CNTN5: variants seen among roughly 807,000 people sequenced by gnomAD.
CNTN5 encodes contactin 5.
A neutral mutation model predicts 129.1 loss-of-function variants in CNTN5; 77 were observed. The ratio of observed to expected loss-of-function variants is 0.60; its 90% CI spans 0.50 to 0.72. CNTN5 has a LOEUF of 0.72. Among genes scored for constraint, CNTN5 ranks in the 30% least tolerant of loss-of-function variants. CNTN5 has a pLI of 0.00. For missense variants in CNTN5, 1,478 were observed against 1,328.8 expected (o/e 1.11, Z -1.75); for synonymous variants, 509 against 465.6 (o/e 1.09, Z -1.20).
intron 2 of CNTN5, among the ~76,000 whole-genome samples, chr11:99,528,433 G>A (rs1947570417): frequency 6.6e-6 from 1 of 152,164 alleles, no homozygotes; most frequent in Non-Finnish European, 1.5e-5. Flanking sequence ...CAGTTAGTGT[G>A]AGCACCAAGC....
chr11:99,944,459 A>T lies in CNTN5; in HGVS notation c.674-12347A>T, dbSNP rs116414839. Among the ~76,000 whole-genome samples the T allele has an allele frequency of 4.9e-3, 745 of 152,194 alleles. 5 individuals are homozygous for T. Among genetic ancestry groups the T allele is most frequent in the African/African-American group, 0.017 (704 of 41,550 alleles). ...TCTCCTTGAAAACCAGCACAGGACA[A>T]AGATGCCCTCTTTCACCACTTCTAT... On this transcript the variant is annotated intron_variant, in intron 7 of 24. Transcript: ENST00000524871.
Position 100,162,379 on chromosome 11 carries a change from TAGC to T in CNTN5, c.1581-28746_1581-28744del, listed in dbSNP as rs1947485797. On this transcript the variant is annotated intron_variant, in intron 13 of 24. Transcript: ENST00000524871. ...ACAGAACTAACTAGCAATGTTTTGT[TAGC>T]CTAATACTAGTTATTGTATTTGAGA... Among the ~76,000 whole-genome samples, 5 of 151,944 alleles carry T rather than the reference TAGC, an allele frequency of 3.3e-5. No homozygotes were observed. The East Asian group carries it at 9.7e-4, about 30-fold the overall frequency.
intron 13 of CNTN5, among the ~76,000 whole-genome samples, chr11:100,088,838 A>G (rs1392585150): frequency 6.6e-6 from 1 of 152,136 alleles, no homozygotes; most frequent in Non-Finnish European, 1.5e-5. Flanking sequence ...TTCTACTGAA[A>G]TGATTCCAAA....
chr11:100,118,843 G>A (rs1213378722), intron 13 of CNTN5, among the ~76,000 whole-genome samples: 2 of 151,642 alleles, frequency 1.3e-5, no homozygotes, highest in East Asian at 1.9e-4. Flanking sequence ...TTGTAAAATG[G>A]GAAAGGGAAT....
chr11:99,776,898 C>A (rs1187724470), intron 3 of CNTN5, among the ~76,000 whole-genome samples: 1 of 151,878 alleles, frequency 6.6e-6, no homozygotes, highest in Non-Finnish European at 1.5e-5. Flanking sequence ...AAGTTCAGGA[C>A]CAGCCCCAGC....
chr11:99,566,020 T>A (rs554680470), intron 3 of CNTN5, among the ~76,000 whole-genome samples: 1 of 152,294 alleles, frequency 6.6e-6, no homozygotes, highest in African/African-American at 2.4e-5. Flanking sequence ...TGTTTTGGCT[T>A]GCTAGCATGC....
chr11:99,376,823 A>G (rs1940213266), intron 2 of CNTN5, among the ~76,000 whole-genome samples: 1 of 152,222 alleles, frequency 6.6e-6, no homozygotes, highest in East Asian at 1.9e-4. Context: ...AAATCAGAAC[A>G]GAGGCTTCCA....
chr11:99,574,384 T>A (rs1335684154), intron 3 of CNTN5, among the ~76,000 whole-genome samples: 1 of 152,216 alleles, frequency 6.6e-6, no homozygotes, highest in Non-Finnish European at 1.5e-5. Context: ...GCATGCATCT[T>A]TATAACAGAA....
intron 2 of CNTN5, among the ~76,000 whole-genome samples, chr11:99,546,826 C>T (rs369048892): frequency 6.6e-6 from 1 of 152,020 alleles, no homozygotes; most frequent in South Asian, 2.1e-4. Context: ...GCAGCTTGGA[C>T]ACGCAAAGCC....
chr11:99,224,926 C>T (rs769632165), intron 1 of CNTN5, among the ~76,000 whole-genome samples: 1 of 152,088 alleles, frequency 6.6e-6, no homozygotes, highest in Non-Finnish European at 1.5e-5. Context: ...ACAGGAATGA[C>T]TTTAAGACCC....
At chr11:99,464,140 T>C (rs1441320627) in intron 2 of CNTN5, among the ~76,000 whole-genome samples, 1 of 152,210 alleles carries the variant, frequency 6.6e-6, no homozygotes, top group African/African-American at 2.4e-5. Context: ...TTATCCAGCA[T>C]AAGTGTGCTA....
intron 13 of CNTN5, among the ~76,000 whole-genome samples, chr11:100,153,706 A>G (rs74688289): frequency 6.6e-5 from 10 of 152,132 alleles, no homozygotes; most frequent in African/African-American, 2.4e-4. Context: ...CCAAAACATT[A>G]TATCTGGTAT....
chr11:99,236,430 C>T (rs1436267258), intron 1 of CNTN5, among the ~76,000 whole-genome samples: 2 of 150,974 alleles, frequency 1.3e-5, no homozygotes, highest in African/African-American at 2.4e-5. Flanking sequence ...TAATAATATT[C>T]ACAAATCTTA....
intron 13 of CNTN5, among the ~76,000 whole-genome samples, chr11:100,172,396 T>C (rs1008810948): frequency 5.3e-5 from 8 of 152,204 alleles, no homozygotes; most frequent in African/African-American, 1.9e-4. Context: ...ATGATACTCA[T>C]TTCCTTCCTC....
At chr11:100,133,594 C>G (rs1373075860) in intron 13 of CNTN5, among the ~76,000 whole-genome samples, 2 of 151,998 alleles carry the variant, frequency 1.3e-5, no homozygotes, top group Non-Finnish European at 2.9e-5. Context: ...ATATTTTAAC[C>G]CTGATGCAAT....
At chr11:100,026,304 C>T (rs1941416691) in intron 9 of CNTN5, among the ~76,000 whole-genome samples, 1 of 152,082 alleles carries the variant, frequency 6.6e-6, no homozygotes, top group Non-Finnish European at 1.5e-5. Flanking sequence ...TAGTAAGTTT[C>T]CTGAAACCTC....
chr11:99,305,131 A>G (rs1864817081), intron 1 of CNTN5, among the ~76,000 whole-genome samples: 1 of 152,216 alleles, frequency 6.6e-6, no homozygotes, highest in East Asian at 1.9e-4. Flanking sequence ...ACATCACTCT[A>G]GGAGCAAGCA....
chr11:99,922,291 G>T (rs1224370365), intron 7 of CNTN5, among the ~76,000 whole-genome samples: 1 of 152,134 alleles, frequency 6.6e-6, no homozygotes, highest in African/African-American at 2.4e-5. Context: ...CCATGATTCA[G>T]TTACCTCTCA....
chr11:99,598,269 CTTT>C, intron 3 of CNTN5, among the ~76,000 whole-genome samples: 2 of 1,644 alleles, frequency 1.2e-3, no homozygotes, highest in South Asian at 0.042. Flanking sequence ...CTTTTCTTTT[CTTT>C]TCTTTTCTTT....
Sources: allele counts gnomAD v4.1 joint callset (sites outside exome capture counted in the v4.1 genomes callset), GRCh38; gene constraint gnomAD v4.1.1; transcripts MANE v1.5; gene names NCBI Gene and HGNC (gene_info 2026-07-23, HGNC 2026-07-21).